Variants in CLIP1 observed in about 807,000 individuals in gnomAD.
CLIP1 encodes the protein CAP-Gly domain-containing linker protein 1.
In CLIP1, 66 loss-of-function variants were observed where a neutral mutation model predicts 161.6. The ratio of observed to expected loss-of-function variants is 0.41; its 90% confidence interval spans 0.33 to 0.50. CLIP1 has a LOEUF of 0.50. Ranked by LOEUF, CLIP1 falls within the 20% of genes least tolerant of loss-of-function variation. The probability of loss-of-function intolerance (pLI) is 0.27; values close to 1 mark genes in which losing one functional copy is unlikely to be tolerated. For synonymous variants in CLIP1, 598 were observed against 626.2 expected (o/e 0.96, Z 0.67); for missense variants, 1,376 against 1,702.0 (o/e 0.81, Z 3.37).
chr12:122,334,631 G>T lies in CLIP1; in HGVS notation c.2626+17C>A. ...ATATTTTTTAAAGCAATCTGCACACGCTCTGGTAAGACATACCTTGCATAC... is the reference window on the plus strand; with the variant it reads ...ATATTTTTTAAAGCAATCTGCACACTCTCTGGTAAGACATACCTTGCATAC... On this transcript the variant is annotated intron_variant, in intron 13 of 25. Coordinates refer to ENST00000620786, the MANE Select transcript of CLIP1 (RefSeq NM_001247997.2). The T allele has an allele frequency of 6.4e-7, 1 of 1,553,168 alleles. No individual in the cohort carries two copies.
At chr12:122,278,542 C>A (rs1363811481) in intron 23 of CLIP1, 3 of 517,390 alleles carry the variant, frequency 5.8e-6, no homozygotes, top group African/African-American at 1.9e-5. Context: ...TACTTTAAGA[C>A]CCCCCAGTCT....
Position 122,355,401 on chromosome 12 carries a change from G to T in CLIP1, c.1006-89C>A. ...TGCATGCATGGCGGGCATCTGCTCG[G>T]CAAAGCAAGGGCGCTGCTCCAGCTG... On this transcript the variant is annotated intron_variant, in intron 5 of 25. Transcript: ENST00000620786. The surrounding 1 kb of genome is among the most constrained non-coding windows in gnomAD (Gnocchi z 4.1). 8.4e-7 allele frequency: 1 copy of T among 1,196,812 alleles called. No individual in the cohort carries two copies. Among genetic ancestry groups the T allele is most frequent in the Non-Finnish European group, 1.2e-6 (1 of 830,776 alleles). The allele number at this position is 1,196,812 out of a possible 1,614,324, so 74.1% of individuals were successfully genotyped here. A position where few individuals can be genotyped will look rare whatever the true frequency, so the allele number is the denominator to read the frequency against.
intron 1 of CLIP1, among the ~76,000 whole-genome samples, chr12:122,416,717 G>A (rs1183811551): frequency 2.6e-5 from 4 of 151,776 alleles, no homozygotes; most frequent in Non-Finnish European, 5.9e-5. Flanking sequence ...CCTGACAAAC[G>A]CAGTGAAACC....
chr12:122,420,934 C>CATTGATTG (rs202216278), intron 1 of CLIP1, among the ~76,000 whole-genome samples: 1 of 151,590 alleles, frequency 6.6e-6, no homozygotes, highest in Non-Finnish European at 1.5e-5. Context: ...GGCTCCCTCT[C>CATTGATTG]ATTGATTGAT....
chr12:122,395,482 C>G (rs750398567), intron 1 of CLIP1: 2 of 152,166 alleles, frequency 1.3e-5, no homozygotes, highest in African/African-American at 2.4e-5. Context: ...GAGGTCATGA[C>G]AATGACCTCA....
chr12:122,371,471 A>G (rs1279281971), intron 3 of CLIP1, among the ~76,000 whole-genome samples: 8 of 152,240 alleles, frequency 5.3e-5, no homozygotes, highest in Admixed American at 2.0e-4. Flanking sequence ...TGAAAATCAA[A>G]GCCAACGTTG....
chr12:122,361,234 A>G (rs1953790622), intron 4 of CLIP1, 53 bp from the exon 5 acceptor site: 3 of 1,426,608 alleles, frequency 2.1e-6, no homozygotes, highest in African/African-American at 1.4e-5. Flanking sequence ...ACAAGAAATA[A>G]TAACTATAAC....
intron 1 of CLIP1, among the ~76,000 whole-genome samples, chr12:122,383,813 A>C (rs1955117590): frequency 6.6e-6 from 1 of 152,096 alleles, no homozygotes; most frequent in Non-Finnish European, 1.5e-5. Context: ...TGTCACATTG[A>C]AACTAATCAA....
At chr12:122,402,387 A>G (rs891182129) in intron 1 of CLIP1, among the ~76,000 whole-genome samples, 2 of 152,122 alleles carry the variant, frequency 1.3e-5, no homozygotes, top group South Asian at 4.2e-4. Context: ...CTCCAGAGGC[A>G]GAGATGGGAC....
Position 122,407,264 on chromosome 12 carries a change from A to G in CLIP1, c.-107+15257T>C, listed in dbSNP as rs1956358131. Among the ~76,000 whole-genome samples the G allele has an allele frequency of 3.9e-5, 6 of 152,158 alleles. No homozygotes were observed. The South Asian group carries it at 1.2e-3, about 32-fold the overall frequency. On this transcript the variant is annotated intron_variant, in intron 1 of 25. Coordinates refer to ENST00000620786, the MANE Select transcript of CLIP1 (RefSeq NM_001247997.2). ...ACCAACAAGAAAACTGATTCTAAAA[A>G]GTGAAATCACTTGTCAAGGTCATAC... is the stretch of plus-strand genomic sequence containing the variant.
chr12:122,386,768 G>A (rs1955281078), intron 1 of CLIP1, among the ~76,000 whole-genome samples: 1 of 150,906 alleles, frequency 6.6e-6, no homozygotes, highest in African/African-American at 2.4e-5. Context: ...GAGAAGCCGA[G>A]GCAGGAGGAT....
At chr12:122,289,484 AC>A (rs1349696163) in intron 20 of CLIP1, among the ~76,000 whole-genome samples, 4 of 152,116 alleles carry the variant, frequency 2.6e-5, no homozygotes, top group Non-Finnish European at 4.4e-5. Context: ...CTTTACTTAA[AC>A]CGCAGAAGTC....
chr12:122,324,255 A>G (rs906348640), intron 17 of CLIP1: 1 of 152,652 alleles, frequency 6.6e-6, no homozygotes, highest in African/African-American at 2.4e-5. Context: ...GATAAAAGTG[A>G]ACCGTTTTCT....
chr12:122,315,993 AT>A (rs1364770571), intron 19 of CLIP1, among the ~76,000 whole-genome samples: 9 of 151,618 alleles, frequency 5.9e-5, no homozygotes, highest in East Asian at 3.9e-4. Flanking sequence ...ATGCTATTTG[AT>A]TTTTTTCCCC....
chr12:122,405,563 T>C (rs1363664857), intron 1 of CLIP1, among the ~76,000 whole-genome samples: 1 of 149,960 alleles, frequency 6.7e-6, no homozygotes, highest in Non-Finnish European at 1.5e-5. Flanking sequence ...CCAAGGCGGA[T>C]AGATCACCTG....
chr12:122,305,035 C>A (rs1359948535), intron 20 of CLIP1, among the ~76,000 whole-genome samples: 1 of 152,136 alleles, frequency 6.6e-6, no homozygotes, highest in Non-Finnish European at 1.5e-5. Flanking sequence ...AAAAACTGTT[C>A]ATGAAATACA....
rs1393580380 is a variant in CLIP1, at chr12:122,422,659, G to C, written c.-245C>G. 1 of 144,156 alleles carries C rather than the reference G, an allele frequency of 6.9e-6. No homozygotes were observed. Among genetic ancestry groups the C allele is most frequent in the Non-Finnish European group, 1.5e-5 (1 of 65,044 alleles). 8.9% of individuals were successfully genotyped at this position (144,156 alleles called of 1,614,324 possible). A position where few individuals can be genotyped will look rare whatever the true frequency, so the allele number is the denominator to read the frequency against. On this transcript the variant is annotated 5_prime_UTR_variant, in exon 1 of 26. Coordinates refer to ENST00000620786, the MANE Select transcript of CLIP1 (RefSeq NM_001247997.2). ...CGCCGCCGCCGCCGCGGGGCCGGGC[G>C]GGCGCGCGCTGCCAGGAGAAGACGC... is the stretch of plus-strand genomic sequence containing the variant.
At chr12:122,295,236 G>A (rs1293349687) in intron 20 of CLIP1, among the ~76,000 whole-genome samples, 1 of 150,472 alleles carries the variant, frequency 6.6e-6, no homozygotes, top group Non-Finnish European at 1.5e-5. Flanking sequence ...CAGGTGTGGT[G>A]GCGTGTACTT....
intron 17 of CLIP1, among the ~76,000 whole-genome samples, chr12:122,324,598 A>G (rs897257888): frequency 1.3e-5 from 2 of 152,226 alleles, no homozygotes; most frequent in African/African-American, 4.8e-5. Flanking sequence ...TGTATCTGTT[A>G]GCTTATTTTA....
Sources: gnomAD v4.1 joint callset for allele counts (sites outside exome capture counted in the v4.1 genomes callset) on GRCh38, gnomAD v4.1.1 for gene constraint, Gnocchi (gnomAD v3.1) non-coding constraint, MANE v1.5 for transcripts, NCBI Gene and HGNC (gene_info 2026-07-23, HGNC 2026-07-21) for gene names.